The following AUNIP variants were observed in gnomAD, a reference collection of about 807,000 sequenced individuals.
AUNIP encodes the protein aurora kinase A- and ninein-interacting protein.
AUNIP carries 16 observed loss-of-function variants against 12.2 expected under a neutral mutation model. The ratio of observed to expected loss-of-function variants is 1.31; its 90% CI spans 0.88 to 1.99. AUNIP has a LOEUF of 1.99. Among genes scored for constraint, AUNIP ranks in the 30% most tolerant of loss-of-function variants. The probability of loss-of-function intolerance (pLI) is 0.00; values close to 1 mark genes in which losing one functional copy is unlikely to be tolerated. For missense variants in AUNIP, 411 were observed against 419.1 expected (o/e 0.98, Z 0.17); for synonymous variants, 142 against 154.8 (o/e 0.92, Z 0.61).
In AUNIP at chr1:25,834,877, A is replaced by G. The variant is rs1018581680; in HGVS notation, c.*116T>C. 6.6e-7 allele frequency: 1 copy of G among 1,511,744 alleles called. No homozygotes were observed. The highest frequency in any genetic ancestry group is 2.3e-5 in the Admixed American group (1 of 44,190). The allele number at this position is 1,511,744 out of a possible 1,614,324, so 93.6% of individuals were successfully genotyped here. A position where few individuals can be genotyped will look rare whatever the true frequency, so the allele number is the denominator to read the frequency against. ...ACAGAGAAGATGCTCAGTAATGACAACTTCATCCCATGCCACCTTCCCACC... is the reference window on the plus strand; with the variant it reads ...ACAGAGAAGATGCTCAGTAATGACAGCTTCATCCCATGCCACCTTCCCACC... On this transcript the variant is annotated 3_prime_UTR_variant, in exon 3 of 3. Coordinates refer to ENST00000374298, the MANE Select transcript of AUNIP (RefSeq NM_024037.3).
At chr1:25,836,394 A>T (rs1017652440) in intron 2 of AUNIP, among the ~76,000 whole-genome samples, 1 of 152,230 alleles carries the variant, frequency 6.6e-6, no homozygotes, top group African/African-American at 2.4e-5. Flanking sequence ...TTCATTGGAA[A>T]GGGAGTGAAG....
chr1:25,835,385 T>C lies in AUNIP; in HGVS notation c.682A>G (p.Lys228Glu), dbSNP rs777921922. The C allele has an allele frequency of 6.2e-7, 1 of 1,614,254 alleles. No individual in the cohort carries two copies. The highest frequency in any genetic ancestry group is 1.7e-5 in the Admixed American group (1 of 60,028). The change falls in exon 3 of 3, where the codon AAG becomes GAG. Residue 228 changes from lysine (K) to glutamate (E), a missense_variant. Transcript: ENST00000374298. ...GACACCTTTCTTTCCAATTTAGTCT[T>C]GCCTAAGGGCTGACAGCATTTGTCC... ...PGDKCCQPLG[K>E]TKLERKVSAK...
At chr1:25,856,804 T>C (rs537757694) in intron 1 of AUNIP, among the ~76,000 whole-genome samples, 34 of 151,946 alleles carry the variant, frequency 2.2e-4, no homozygotes, top group South Asian at 8.3e-4. Context: ...CTATTTCTGT[T>C]CTCTTTCTAA....
At position 25,859,321 on chromosome 1, in the gene AUNIP, C is replaced by G. The variant is rs114799828; in HGVS notation, c.37G>C (p.Val13Leu). 6.4e-7 allele frequency: 1 copy of G among 1,571,218 alleles called. No individual in the cohort carries two copies. ...RTGPEEEACGVWLDAAALKRR... is the reference protein window; with the variant it reads ...RTGPEEEACGLWLDAAALKRR... ...TTCAGCGCCGCCGCGTCCAGCCACA[C>G]GCCGCAGGCCTCCTCCTCGGGGCCT... Residue 13 changes from valine (V) to leucine (L), a missense_variant, in exon 1 of 3, where the codon GTG becomes CTG. By Grantham distance (32) the Val-to-Leu change is conservative. Transcript: ENST00000374298.
chr1:25,853,299 T>G (rs368472072), intron 1 of AUNIP, among the ~76,000 whole-genome samples: 2 of 152,190 alleles, frequency 1.3e-5, no homozygotes, highest in Non-Finnish European at 2.9e-5. Flanking sequence ...CTTAGAAGCT[T>G]AAAACAATAA....
Position 25,835,638 on chromosome 1 carries a change from G to A in AUNIP, c.429C>T (p.His143=). 6.2e-7 allele frequency: 1 copy of A among 1,614,240 alleles called. No homozygotes were observed. Among genetic ancestry groups the A allele is most frequent in the Non-Finnish European group, 8.5e-7 (1 of 1,180,044 alleles). The part of the protein sequence containing the change: ...SPQSLQTSGH[H]RMKTPFSTEL... ...CAGTTGAAAATGGGGTTTTCATTCT[G>A]TGGTGGCCAGAAGTCTGGAGGGACT... The change falls in exon 3 of 3, where the codon CAC becomes CAT. Residue 143 remains histidine (H), a synonymous_variant. Coordinates refer to ENST00000374298, the MANE Select transcript of AUNIP (RefSeq NM_024037.3).
At chr1:25,848,308 C>T (rs1023381397) in intron 1 of AUNIP, among the ~76,000 whole-genome samples, 1 of 151,876 alleles carries the variant, frequency 6.6e-6, no homozygotes, top group Non-Finnish European at 1.5e-5. Flanking sequence ...AGTAAGACCC[C>T]GTCTCTACAA....
chr1:25,840,616 G>C (rs2048341624), intron 1 of AUNIP, among the ~76,000 whole-genome samples: 1 of 152,098 alleles, frequency 6.6e-6, no homozygotes. Context: ...CTTGAACTTG[G>C]AAAGTACTTT....
chr1:25,840,727 T>G (rs1393495814), intron 1 of AUNIP, among the ~76,000 whole-genome samples: 2 of 152,212 alleles, frequency 1.3e-5, no homozygotes, highest in African/African-American at 4.8e-5. Context: ...CCTTGCCCTC[T>G]TGAGGTGCTC....
rs1188949749 is a variant in AUNIP, at chr1:25,843,183, A to ATATAT, written c.79-5630_79-5629insATATA. ...CAGAGACCCCATCTCAAAAAAAAAA[A>ATATAT]AAATATATATATATATATATTTTAC... On this transcript the variant is annotated intron_variant, in intron 1 of 2. Coordinates refer to ENST00000374298, the MANE Select transcript of AUNIP (RefSeq NM_024037.3). Among the ~76,000 whole-genome samples, 222 of 114,246 alleles carry ATATAT rather than the reference A, an allele frequency of 1.9e-3. 2 individuals are homozygous for ATATAT. Among genetic ancestry groups the ATATAT allele is most frequent in the African/African-American group, 6.4e-3 (211 of 32,810 alleles). The allele number at this position is 114,246 out of a possible 152,430, so 74.9% of individuals were successfully genotyped here. A position where few individuals can be genotyped will look rare whatever the true frequency, so the allele number is the denominator to read the frequency against.
chr1:25,855,539 T>A (rs919717099), intron 1 of AUNIP, among the ~76,000 whole-genome samples: 32 of 152,164 alleles, frequency 2.1e-4, no homozygotes, highest in African/African-American at 7.5e-4. Flanking sequence ...ATACAAGGCC[T>A]AAGTAACGAG....
rs1365765518 is a variant in AUNIP at position 25,837,399 on chromosome 1, A to G, written c.220+14T>C. 2 of 1,610,744 alleles carry G rather than the reference A, an allele frequency of 1.2e-6. No individual in the cohort carries two copies. Among genetic ancestry groups the G allele is most frequent in the Non-Finnish European group, 8.5e-7 (1 of 1,178,672 alleles). On this transcript the variant is annotated intron_variant, in intron 2 of 2. Transcript: ENST00000374298. ...GCTCTGGATAATGAAGTATTCCCAT[A>G]TGGGTCACCATACCTGGCTGCAAGG...
At chr1:25,832,098 T>C, downstream of AUNIP, 2 of 1,611,162 alleles carry the variant, frequency 1.2e-6, no homozygotes, top group East Asian at 2.2e-5. Flanking sequence ...TCACCGCAGA[T>C]GTTTCTGCCT....
chr1:25,852,218 T>G (rs1187641656), intron 1 of AUNIP, among the ~76,000 whole-genome samples: 1 of 151,894 alleles, frequency 6.6e-6, no homozygotes, highest in Non-Finnish European at 1.5e-5. Context: ...CCTCCTAAAA[T>G]GCTGGGATTA....
chr1:25,840,229 T>TA lies in AUNIP; in HGVS notation c.79-2676dup, dbSNP rs199510202. ...TAATAAGGTGAGAAAATAGAAGATA[T>TA]AAAAAAAAATTCAACAGATGAGCTT... On this transcript the variant is annotated intron_variant, in intron 1 of 2. Transcript: ENST00000374298. 8.4e-4 allele frequency among the ~76,000 whole-genome samples: 126 copies of TA among 150,470 alleles called. 1 individual carries two copies. The highest frequency in any genetic ancestry group is 2.9e-3 in the African/African-American group (117 of 40,930).
rs753324505 is a variant in AUNIP, at chr1:25,834,239, T to C, written c.*754A>G. The C allele has an allele frequency of 2.6e-4, 254 of 985,150 alleles. No individual in the cohort carries two copies. The highest frequency in any genetic ancestry group is 2.9e-4 in the Non-Finnish European group (244 of 829,892). The allele number at this position is 985,150 out of a possible 1,614,324, so 61.0% of individuals were successfully genotyped here. A position where few individuals can be genotyped will look rare whatever the true frequency, so the allele number is the denominator to read the frequency against. The stretch of plus-strand genomic sequence containing the variant: ...CTCCACACCTGGGTTGTGGGGAGAT[T>C]TGCTAATCACTGAAAAAAAAGGGTC... On this transcript the variant is annotated 3_prime_UTR_variant, in exon 3 of 3. Transcript: ENST00000374298.
chr1:25,852,229 T>C (rs1432579739), intron 1 of AUNIP, among the ~76,000 whole-genome samples: 5 of 151,724 alleles, frequency 3.3e-5, no homozygotes, highest in Non-Finnish European at 7.4e-5. Flanking sequence ...GCTGGGATTA[T>C]AGGTGTGAGC....
At chr1:25,849,955 T>C (rs1164019640) in intron 1 of AUNIP, among the ~76,000 whole-genome samples, 1 of 152,178 alleles carries the variant, frequency 6.6e-6, no homozygotes, top group African/African-American at 2.4e-5. Flanking sequence ...ACCATTTTGT[T>C]TACCAGTTGA....
intron 1 of AUNIP, among the ~76,000 whole-genome samples, chr1:25,852,035 C>T (rs931763421): frequency 6.6e-6 from 1 of 151,562 alleles, no homozygotes; most frequent in Non-Finnish European, 1.5e-5. Context: ...TCAGTGCAGC[C>T]TCAACCTCCC....
Sources: allele counts gnomAD v4.1 joint callset (sites outside exome capture counted in the v4.1 genomes callset), GRCh38; gene constraint gnomAD v4.1.1; transcripts MANE v1.5; gene names NCBI Gene and HGNC (gene_info 2026-07-23, HGNC 2026-07-21).